UBE2Z: variants seen among roughly 807,000 people sequenced by gnomAD.
UBE2Z encodes ubiquitin conjugating enzyme E2 Z, also known as ubiquitin-conjugating enzyme E2 Z.
A neutral mutation model predicts 32.6 loss-of-function variants in UBE2Z; 10 were observed. That is an observed-to-expected ratio of 0.31 (90% CI 0.19 to 0.52). The LOEUF (loss-of-function observed/expected upper bound fraction) is 0.52, where lower values mean the gene tolerates loss of function less well. Among genes scored for constraint, UBE2Z ranks in the 20% least tolerant of loss-of-function variants. The pLI is 0.97. For missense variants in UBE2Z, 343 were observed against 480.9 expected (o/e 0.71, Z 2.68); for synonymous variants, 183 against 190.8 (o/e 0.96, Z 0.34).
At chr17:48,913,660 C>G (rs1009977164) in intron 3 of UBE2Z, among the ~76,000 whole-genome samples, 1 of 152,054 alleles carries the variant, frequency 6.6e-6, no homozygotes, top group African/African-American at 2.4e-5. Flanking sequence ...GCCCAGAAAT[C>G]TGTTTTTTAC....
Position 48,928,538 on chromosome 17 carries a change from C to T in UBE2Z, c.*1404C>T, listed in dbSNP as rs1174985119. 6.5e-6 allele frequency: 1 copy of T among 152,748 alleles called. No homozygotes were observed. The highest frequency in any genetic ancestry group is 1.5e-5 in the Non-Finnish European group (1 of 68,162). The allele number at this position is 152,748 out of a possible 1,614,324, so 9.5% of individuals were successfully genotyped here. On this transcript the variant is annotated 3_prime_UTR_variant, in exon 7 of 7. Transcript: ENST00000360943. ...GAGGATAGTGTGTACCTGCCCTGCC[C>T]TCTGCTATGAAGGTCTCTGCCTTGT... is the stretch of plus-strand genomic sequence containing the variant.
At chr17:48,908,890 C>A in intron 1 of UBE2Z, 70 bp downstream of exon 1, 1 of 1,080,936 alleles carries the variant, frequency 9.3e-7, no homozygotes, top group Non-Finnish European at 1.2e-6. Context: ...CCACCCTCTC[C>A]CACTACAACT....
intron 4 of UBE2Z, among the ~76,000 whole-genome samples, chr17:48,919,217 CT>C (rs2040742490): frequency 6.6e-6 from 1 of 152,032 alleles, no homozygotes; most frequent in Non-Finnish European, 1.5e-5. Context: ...ACCTCCTGAC[CT>C]TATGATCCAC....
At chr17:48,915,922 C>G in intron 3 of UBE2Z, 154 bp from the exon 4 acceptor site, 1 of 372,882 alleles carries the variant, frequency 2.7e-6, no homozygotes, top group Non-Finnish European at 4.7e-6. Context: ...GAAATCAGAA[C>G]ATGAGCATGA....
chr17:48,923,319 T>A (rs1339856850), intron 6 of UBE2Z, among the ~76,000 whole-genome samples: 3 of 27,786 alleles, frequency 1.1e-4, no homozygotes, highest in African/African-American at 2.6e-4. Context: ...AGACTCTGTC[T>A]CAAAAAAAAA....
intron 3 of UBE2Z, among the ~76,000 whole-genome samples, chr17:48,913,378 C>T (rs1305822047): frequency 1.3e-5 from 2 of 152,116 alleles, no homozygotes; most frequent in African/African-American, 2.4e-5. Context: ...TGTTTTGAGA[C>T]GGAGTCTTGC....
Position 48,908,606 on chromosome 17 carries a change from G to T in UBE2Z, c.103G>T (p.Gly35Cys). 8.1e-7 allele frequency: 1 copy of T among 1,237,962 alleles called. No individual in the cohort carries two copies. 76.7% of individuals were successfully genotyped at this position (1,237,962 alleles called of 1,614,324 possible). Residue 35 changes from glycine to cysteine, a missense_variant, in exon 1 of 7, where the codon GGC becomes TGC. This residue lies in a region of UBE2Z where 103 missense variants were observed against 96.2 expected (regional missense o/e 1.07). Coordinates refer to ENST00000360943, the MANE Select transcript of UBE2Z (RefSeq NM_023079.5). ...TGTTGTTGGCGTTAGCGGCAGCGGC[G>T]GCGGGTTCGGGCCGCCTTTCCTGCC... is the stretch of plus-strand genomic sequence containing the variant. ...AGVVGVSGSG[G>C]GFGPPFLPDV...
intron 4 of UBE2Z, among the ~76,000 whole-genome samples, chr17:48,919,046 C>T (rs537328091): frequency 3.2e-4 from 49 of 152,024 alleles, no homozygotes; most frequent in African/African-American, 1.2e-3. Flanking sequence ...CATGCCCAGC[C>T]TTGTGTTTTT....
chr17:48,915,545 C>G (rs1287351560), intron 3 of UBE2Z, among the ~76,000 whole-genome samples: 1 of 152,050 alleles, frequency 6.6e-6, no homozygotes, highest in Non-Finnish European at 1.5e-5. Flanking sequence ...TCTTCCTGTT[C>G]TTTGGAAGAG....
At chr17:48,912,258 T>C (rs1315789444) in intron 2 of UBE2Z, 1 of 153,740 alleles carries the variant, frequency 6.5e-6, no homozygotes, top group Non-Finnish European at 1.4e-5. Context: ...GCTGTGTTAC[T>C]GGCACTGGGC....
chr17:48,918,182 C>G (rs2143767944), intron 4 of UBE2Z, among the ~76,000 whole-genome samples: 1 of 152,200 alleles, frequency 6.6e-6, no homozygotes, highest in Non-Finnish European at 1.5e-5. Flanking sequence ...AGGTGATCCA[C>G]TCGCCTTGGC....
chr17:48,909,547 C>T (rs1030402729), intron 1 of UBE2Z, among the ~76,000 whole-genome samples: 2 of 113,750 alleles, frequency 1.8e-5, no homozygotes, highest in Non-Finnish European at 3.5e-5. Context: ...TCCCTCCCCC[C>T]ACCCCCCACC....
chr17:48,917,484 G>C (rs12453374), intron 4 of UBE2Z, among the ~76,000 whole-genome samples: 62,471 of 151,770 alleles, frequency 0.41, 15,384 homozygotes, highest in East Asian at 0.71. Flanking sequence ...CCCTAAAGTT[G>C]CTCTGTAGGG....
chr17:48,918,046 T>A (rs1442123398), intron 4 of UBE2Z, among the ~76,000 whole-genome samples: 2 of 152,072 alleles, frequency 1.3e-5, no homozygotes, highest in Admixed American at 6.6e-5. Flanking sequence ...AAGTGATTCC[T>A]CTGCCTCAGC....
At chr17:48,924,565 G>C (rs887972361) in intron 6 of UBE2Z, among the ~76,000 whole-genome samples, 1 of 150,088 alleles carries the variant, frequency 6.7e-6, no homozygotes, top group Non-Finnish European at 1.5e-5. Context: ...TAGATAGACA[G>C]CCAGGTGCGG....
In UBE2Z at chr17:48,910,827, A is replaced by G; in HGVS notation, c.337A>G (p.Lys113Glu). ...ATACAGGGATATCATGTCCATTTAT[A>G]AGGAGCCTCCTCCAGGAATGTTCGT... The part of the protein sequence containing the change: ...RIKRDIMSIY[K>E]EPPPGMFVVP... The change falls in exon 2 of 7, where the codon AAG (lysine) becomes GAG (glutamate). Residue 113 changes from lysine (K) to glutamate (E), a missense_variant. Lys to Glu is a moderately conservative substitution (Grantham distance 56, BLOSUM62 1). Coordinates refer to ENST00000360943, the MANE Select transcript of UBE2Z (RefSeq NM_023079.5). 6.2e-7 allele frequency: 1 copy of G among 1,613,310 alleles called. No individual in the cohort carries two copies. The highest frequency in any genetic ancestry group is 8.5e-7 in the Non-Finnish European group (1 of 1,179,442).
At chr17:48,911,668 T>A (rs2040678777) in intron 2 of UBE2Z, 1 of 151,228 alleles carries the variant, frequency 6.6e-6, no homozygotes, top group South Asian at 2.1e-4. Context: ...CCCTTCATAT[T>A]TTTTTTTTAT....
chr17:48,915,903 AT>A (rs2040715998), intron 3 of UBE2Z, 172 bp from the exon 4 acceptor site: 1 of 288,588 alleles, frequency 3.5e-6, no homozygotes, highest in African/African-American at 3.0e-5. Flanking sequence ...CAATTGACTG[AT>A]TTCTGGTGAA....
intron 4 of UBE2Z, among the ~76,000 whole-genome samples, chr17:48,919,793 A>G (rs1336881289): frequency 6.6e-6 from 1 of 152,180 alleles, no homozygotes; most frequent in Non-Finnish European, 1.5e-5. Flanking sequence ...TCTGATTTAT[A>G]ATAATTGGTT....
Sources: allele counts gnomAD v4.1 joint callset (sites outside exome capture counted in the v4.1 genomes callset), GRCh38; gene constraint gnomAD v4.1.1; regional missense constraint gnomAD v4.1.1; transcripts MANE v1.5; gene names NCBI Gene and HGNC (gene_info 2026-07-23, HGNC 2026-07-21).